MED15: variants seen among roughly 807,000 people sequenced by gnomAD.
MED15 encodes the protein mediator of RNA polymerase II transcription subunit 15.
MED15 carries 41 observed loss-of-function variants against 118.7 expected under a neutral mutation model. The ratio of observed to expected loss-of-function variants is 0.35; its 90% CI spans 0.27 to 0.45. MED15 has a LOEUF of 0.45. Among genes scored for constraint, MED15 ranks in the 20% least tolerant of loss-of-function variants. The pLI is 1.00. For missense variants in MED15, 740 were observed against 1,025.5 expected (o/e 0.72, Z 3.80); for synonymous variants, 436 against 413.9 (o/e 1.05, Z -0.65).
chr22:20,526,639 G>A (rs1191140626), intron 1 of MED15, among the ~76,000 whole-genome samples: 4 of 151,944 alleles, frequency 2.6e-5, no homozygotes, highest in Admixed American at 6.6e-5. Context: ...TTTATTTTCC[G>A]GTTGCCTCTC....
intron 9 of MED15, among the ~76,000 whole-genome samples, chr22:20,581,505 A>G (rs2056980969): frequency 6.6e-6 from 1 of 152,174 alleles, no homozygotes; most frequent in Admixed American, 6.5e-5. Flanking sequence ...TGGATGGTCC[A>G]GGGGCCTGGC....
chr22:20,584,723 G>A, intron 14 of MED15, 132 bp from the exon 15 acceptor site: 2 of 1,161,940 alleles, frequency 1.7e-6, no homozygotes, highest in South Asian at 1.4e-5. Flanking sequence ...AACATTGTCT[G>A]CACAAGGGTG....
chr22:20,527,699 T>C (rs944719751), intron 1 of MED15, among the ~76,000 whole-genome samples: 14 of 152,092 alleles, frequency 9.2e-5, no homozygotes, highest in Admixed American at 7.2e-4. Context: ...GGCTCACACC[T>C]GTAATCCTAG....
chr22:20,570,746 C>CTTTTTTTT lies in MED15; in HGVS notation c.1152+2138_1152+2145dup, dbSNP rs61109389. 2.8e-3 allele frequency among the ~76,000 whole-genome samples: 171 copies of CTTTTTTTT among 62,128 alleles called. 4 individuals are homozygous for CTTTTTTTT. Among genetic ancestry groups the CTTTTTTTT allele is most frequent in the African/African-American group, 3.3e-3 (45 of 13,700 alleles). 40.8% of individuals were successfully genotyped at this position (62,128 alleles called of 152,430 possible). On this transcript the variant is annotated intron_variant, in intron 8 of 17. Coordinates refer to ENST00000263205, the MANE Select transcript of MED15 (RefSeq NM_001003891.3). ...TTTTCTTTTCTTTCTTTCTTTCTTT[C>CTTTTTTTT]TTTTTTTTTTTTTTTTTTTTTTTTT... is the stretch of plus-strand genomic sequence containing the variant.
intron 1 of MED15, among the ~76,000 whole-genome samples, chr22:20,533,176 C>T (rs1601500125): frequency 6.6e-6 from 1 of 151,966 alleles, no homozygotes; most frequent in South Asian, 2.1e-4. Flanking sequence ...CCTCCCGCAG[C>T]GGGTGTGTTA....
At chr22:20,582,996 C>T in intron 11 of MED15, 29 bp downstream of exon 11, 1 of 1,602,654 alleles carries the variant, frequency 6.2e-7, no homozygotes, top group Non-Finnish European at 8.5e-7. Context: ...GCTAAGGTCA[C>T]TCCTCACCTT....
chr22:20,535,473 C>T (rs557925656), intron 1 of MED15, among the ~76,000 whole-genome samples: 5 of 152,206 alleles, frequency 3.3e-5, no homozygotes, highest in South Asian at 4.2e-4. Context: ...CTTTCTAGCA[C>T]GAGCTGGACT....
At chr22:20,549,576 C>G (rs17211374) in intron 2 of MED15, among the ~76,000 whole-genome samples, 13,770 of 152,122 alleles carry the variant, frequency 0.091, 943 homozygotes, top group East Asian at 0.38. Context: ...TTGTGGTTGA[C>G]CCATTGCGTT....
intron 8 of MED15, among the ~76,000 whole-genome samples, chr22:20,572,156 G>A (rs548630846): frequency 2.4e-4 from 36 of 152,324 alleles, no homozygotes; most frequent in Admixed American, 1.4e-3. Flanking sequence ...GCTGATGGAG[G>A]TGAGTGAATG....
intron 4 of MED15, among the ~76,000 whole-genome samples, chr22:20,554,014 A>T (rs1409646367): frequency 6.6e-6 from 1 of 152,252 alleles, no homozygotes; most frequent in African/African-American, 2.4e-5. Context: ...GCATTCTGCC[A>T]TTGGGAAGGG....
chr22:20,521,802 T>C (rs962397895), intron 1 of MED15, among the ~76,000 whole-genome samples: 5 of 151,300 alleles, frequency 3.3e-5, no homozygotes, highest in Non-Finnish European at 7.4e-5. Context: ...CTCACCTCAC[T>C]GCAGCCTCTG....
chr22:20,570,967 C>A lies in MED15; in HGVS notation c.1152+2336C>A, dbSNP rs765998877. 1.2e-4 allele frequency among the ~76,000 whole-genome samples: 18 copies of A among 151,634 alleles called. 1 individual carries two copies. Among genetic ancestry groups the A allele is most frequent in the Non-Finnish European group, 2.5e-4 (17 of 67,936 alleles). On this transcript the variant is annotated intron_variant, in intron 8 of 17. Coordinates refer to ENST00000263205, the MANE Select transcript of MED15 (RefSeq NM_001003891.3). ...CTCTTGTATTTTTAGTAGAGATGGG[C>A]CAGGCTGGTCTTAAGCTCCTGACTT...
chr22:20,553,039 G>C, intron 3 of MED15, 106 bp from the exon 4 acceptor site: 1 of 1,054,600 alleles, frequency 9.5e-7, no homozygotes, highest in Non-Finnish European at 1.4e-6. Flanking sequence ...GAGCTCCGTG[G>C]GGATTAAGGC....
chr22:20,524,754 T>C (rs2054574212), intron 1 of MED15, among the ~76,000 whole-genome samples: 1 of 152,238 alleles, frequency 6.6e-6, no homozygotes, highest in African/African-American at 2.4e-5. Context: ...TTGGAGTCGC[T>C]GGGCTTACAG....
intron 11 of MED15, 30 bp from the exon 12 acceptor site, chr22:20,583,083 G>A: frequency 6.4e-7 from 1 of 1,564,996 alleles, no homozygotes; most frequent in Non-Finnish European, 8.7e-7. Context: ...AGGGTCGAGG[G>A]CTGTGGCCTC....
At chr22:20,509,441 C>T (rs2053987142) in intron 1 of MED15, among the ~76,000 whole-genome samples, 1 of 152,094 alleles carries the variant, frequency 6.6e-6, no homozygotes, top group Admixed American at 6.6e-5. Flanking sequence ...TGCCACATTG[C>T]TCCGTAAAAT....
chr22:20,508,067 A>G (rs1214951888), intron 1 of MED15: 4 of 1,339,154 alleles, frequency 3.0e-6, no homozygotes, highest in East Asian at 6.4e-5. Flanking sequence ...GAATAGGGAA[A>G]GGGAGAGAAG....
At chr22:20,545,415 G>A (rs2055487516) in intron 2 of MED15, among the ~76,000 whole-genome samples, 2 of 149,192 alleles carry the variant, frequency 1.3e-5, no homozygotes, top group Admixed American at 6.7e-5. Context: ...GGAAGTGGAG[G>A]TTGCAGTGAG....
intron 5 of MED15, among the ~76,000 whole-genome samples, chr22:20,561,097 A>G (rs1435890760): frequency 6.6e-6 from 1 of 152,228 alleles, no homozygotes; most frequent in Admixed American, 6.5e-5. Flanking sequence ...TTATTGCTAA[A>G]ACAATGGAAA....
Sources: gnomAD v4.1 joint callset for allele counts (sites outside exome capture counted in the v4.1 genomes callset) on GRCh38, gnomAD v4.1.1 for gene constraint, MANE v1.5 for transcripts, NCBI Gene and HGNC (gene_info 2026-07-23, HGNC 2026-07-21) for gene names.